Variants in VEGFA observed in about 807,000 individuals in gnomAD.
VEGFA encodes the protein vascular endothelial growth factor A.
A neutral mutation model predicts 49.7 loss-of-function variants in VEGFA; 20 were observed. The ratio of observed to expected loss-of-function variants is 0.40; its 90% CI spans 0.28 to 0.58. The LOEUF (loss-of-function observed/expected upper bound fraction) is 0.58, where lower values mean the gene tolerates loss of function less well. Ranked by LOEUF, VEGFA falls within the 20% of genes least tolerant of loss-of-function variation. The probability of loss-of-function intolerance (pLI) is 0.40; values close to 1 mark genes in which losing one functional copy is unlikely to be tolerated. For missense variants in VEGFA, 505 were observed against 553.5 expected (o/e 0.91, Z 0.88); for synonymous variants, 219 against 223.4 (o/e 0.98, Z 0.18).
At chr6:43,782,129 A>G (rs761165861) in intron 7 of VEGFA, 42 bp downstream of exon 7, 1 of 1,610,226 alleles carries the variant, frequency 6.2e-7, no homozygotes, top group South Asian at 1.1e-5. Context: ...GGGGCATCAC[A>G]CAGAGATGGG....
At chr6:43,774,637 A>T (rs1764701445) in intron 2 of VEGFA, 1 of 585,358 alleles carries the variant, frequency 1.7e-6, no homozygotes, top group African/African-American at 1.9e-5. Context: ...GTAAAATTTT[A>T]TTTGGAGAAG....
chr6:43,784,452 G>C, intron 7 of VEGFA, 89 bp from the exon 8 acceptor site: 1 of 1,337,596 alleles, frequency 7.5e-7, no homozygotes, highest in Non-Finnish European at 1.1e-6. Flanking sequence ...AGTGACCCAG[G>C]GGCCCCCAGG....
Position 43,786,121 on chromosome 6 carries a change from A to G in VEGFA, c.*1559A>G, listed in dbSNP as rs1769405423. 5.6e-6 allele frequency: 1 copy of G among 179,328 alleles called. No individual in the cohort carries two copies. Among genetic ancestry groups the G allele is most frequent in the Non-Finnish European group, 1.2e-5 (1 of 83,954 alleles). The allele number at this position is 179,328 out of a possible 1,614,324, so 11.1% of individuals were successfully genotyped here. ...ATATACATCTACATACTATATATAT[A>G]TTTGGCAACTTGTATTTGTGTGTAT... On this transcript the variant is annotated 3_prime_UTR_variant, in exon 8 of 8. Coordinates refer to ENST00000672860, the MANE Select transcript of VEGFA (RefSeq NM_003376.6).
In VEGFA at chr6:43,770,470, G is replaced by C. The variant is rs1763233140; in HGVS notation, c.-237G>C. On this transcript the variant is annotated 5_prime_UTR_variant, in exon 1 of 8. Transcript: ENST00000672860. ...CCCACTTGAATCGGGCCGACGGCTT[G>C]GGGAGATTGCTCTACTTCCCCAAAT... is the stretch of plus-strand genomic sequence containing the variant. 1.2e-6 allele frequency: 1 copy of C among 830,234 alleles called. No individual in the cohort carries two copies. The highest frequency in any genetic ancestry group is 1.6e-6 in the Non-Finnish European group (1 of 610,782). 51.4% of individuals were successfully genotyped at this position (830,234 alleles called of 1,614,324 possible).
intron 6 of VEGFA, chr6:43,781,575 A>T (rs1767770843): frequency 5.8e-6 from 2 of 344,884 alleles, no homozygotes; most frequent in Non-Finnish European, 1.1e-5. Flanking sequence ...GCACGGGGAG[A>T]AGGTGGCCCC....
At chr6:43,771,751 A>G (rs1488840836) in intron 1 of VEGFA, among the ~76,000 whole-genome samples, 1 of 151,660 alleles carries the variant, frequency 6.6e-6, no homozygotes, top group Non-Finnish European at 1.5e-5. Context: ...GAGGGCAGAG[A>G]GCGTGGAGGG....
chr6:43,774,408 T>C lies in VEGFA; in HGVS notation c.658+16T>C. On this transcript the variant is annotated intron_variant, in intron 2 of 7. Coordinates refer to ENST00000672860, the MANE Select transcript of VEGFA (RefSeq NM_003376.6). ...CATCACGAAGGTGAGTCCCCCTGGC[T>C]GTTGGATGGGGTTCCCTGTCCTCTC... The C allele has an allele frequency of 6.2e-7, 1 of 1,614,090 alleles. No individual in the cohort carries two copies. The highest frequency in any genetic ancestry group is 1.7e-5 in the Admixed American group (1 of 60,032).
chr6:43,771,919 G>A, intron 1 of VEGFA: 1 of 684,062 alleles, frequency 1.5e-6, no homozygotes, highest in Non-Finnish European at 1.8e-6. Context: ...GTCCCCGCTC[G>A]CGTCCCGCTC....
intron 1 of VEGFA, 152 bp downstream of exon 1, chr6:43,771,464 AG>A: frequency 2.6e-6 from 2 of 775,962 alleles, no homozygotes; most frequent in Non-Finnish European, 3.8e-6. Flanking sequence ...TCTTAGGTGC[AG>A]GGGGAGGGGG....
chr6:43,770,857 G>C lies in VEGFA; in HGVS notation c.151G>C (p.Ala51Pro). ...GGAGGGGGTCGGGGCTCGCGGCGTC[G>C]CACTGAAACTTTTCGTCCAACTTCT... The change falls in exon 1 of 8, where the codon GCA becomes CCA. Residue 51 changes from alanine to proline, a missense_variant. This residue lies in a region of VEGFA where 340 missense variants were observed against 321.8 expected (regional missense o/e 1.06). Transcript: ENST00000672860. 2 of 1,535,286 alleles carry C rather than the reference G, an allele frequency of 1.3e-6. No individual in the cohort carries two copies. Among genetic ancestry groups the C allele is most frequent in the East Asian group, 2.6e-5 (1 of 39,104 alleles).
rs1481833479 is a variant in VEGFA at position 43,774,591 on chromosome 6, A to G, written c.658+199A>G. ...CTCCGCTGTTCAGGTCTCTGCTAGA[A>G]GTAGGACTTGTTGCCTTTTTCTTCT... On this transcript the variant is annotated intron_variant, in intron 2 of 7. Coordinates refer to ENST00000672860, the MANE Select transcript of VEGFA (RefSeq NM_003376.6). 6 of 641,076 alleles carry G rather than the reference A, an allele frequency of 9.4e-6. No homozygotes were observed. The African/African-American group carries it at 1.1e-4, about 12-fold the overall frequency. The allele number at this position is 641,076 out of a possible 1,614,324, so 39.7% of individuals were successfully genotyped here. A position where few individuals can be genotyped will look rare whatever the true frequency, so the allele number is the denominator to read the frequency against.
intron 5 of VEGFA, 35 bp downstream of exon 5, chr6:43,778,953 C>T: frequency 2.5e-6 from 4 of 1,614,116 alleles, no homozygotes; most frequent in Non-Finnish European, 2.5e-6. Context: ...TCTCCCTCTC[C>T]ATGGCCGGTT....
intron 1 of VEGFA, 82 bp downstream of exon 1, chr6:43,771,394 G>C: frequency 7.0e-7 from 1 of 1,430,770 alleles, no homozygotes; most frequent in East Asian, 2.6e-5. Context: ...GCGCGCGCGT[G>C]GGGGCTCCGT....
rs1355671214 is a variant in VEGFA at position 43,771,120 on chromosome 6, C to T, written c.414C>T (p.Ala138=). The change falls in exon 1 of 8, where the codon GCC becomes GCT. Residue 138 remains alanine (A), a synonymous_variant. Coordinates refer to ENST00000672860, the MANE Select transcript of VEGFA (RefSeq NM_003376.6). ...CTCCAGCCGCGCGCGCTCCCCAGGC[C>T]CTGGCCCGGGCCTCGGGCCGGGGAG... 4.7e-6 allele frequency: 7 copies of T among 1,485,938 alleles called. No individual in the cohort carries two copies. Among genetic ancestry groups the T allele is most frequent in the South Asian group, 1.3e-5 (1 of 74,074 alleles). 92.0% of individuals were successfully genotyped at this position (1,485,938 alleles called of 1,614,324 possible).
At chr6:43,780,670 C>A in intron 5 of VEGFA, 62 bp from the exon 6 acceptor site, 3 of 1,571,624 alleles carry the variant, frequency 1.9e-6, no homozygotes, top group South Asian at 1.1e-5. Flanking sequence ...CCCACCTTAC[C>A]ACTTCTTTTA....
chr6:43,772,706 C>T (rs1294169315), intron 1 of VEGFA, among the ~76,000 whole-genome samples: 8 of 152,158 alleles, frequency 5.3e-5, no homozygotes, highest in Admixed American at 4.6e-4. Context: ...CTTTCCGCTC[C>T]TCTCTGACGC....
chr6:43,784,374 A>T, intron 7 of VEGFA, 167 bp from the exon 8 acceptor site: 1 of 743,620 alleles, frequency 1.3e-6, no homozygotes, highest in Non-Finnish European at 2.4e-6. Flanking sequence ...GGCTGTTCTC[A>T]TACTGGGGCT....
chr6:43,771,965 G>A, intron 1 of VEGFA: 1 of 978,298 alleles, frequency 1.0e-6, no homozygotes, highest in Non-Finnish European at 1.2e-6. Context: ...GGGTGCGCGC[G>A]GCGCGGAGCC....
At chr6:43,784,128 C>G (rs898732801) in intron 7 of VEGFA, 1 of 297,616 alleles carries the variant, frequency 3.4e-6, no homozygotes, top group African/African-American at 2.2e-5. Context: ...AGAGACTGAA[C>G]TGAAAACCCT....
Sources: allele counts gnomAD v4.1 joint callset (sites outside exome capture counted in the v4.1 genomes callset), GRCh38; gene constraint gnomAD v4.1.1; regional missense constraint gnomAD v4.1.1; transcripts MANE v1.5; gene names NCBI Gene and HGNC (gene_info 2026-07-23, HGNC 2026-07-21).